The following GLRX3 variants were observed in gnomAD, a reference collection of about 807,000 sequenced individuals.
The protein encoded by GLRX3 is glutaredoxin-3.
GLRX3 carries 22 observed loss-of-function variants against 49.5 expected under a neutral mutation model. The observed-to-expected ratio is 0.44, with a 90% CI of 0.32 to 0.63. The LOEUF (loss-of-function observed/expected upper bound fraction) is 0.63. GLRX3 is among the 30% of genes least tolerant of loss of function. The pLI is 0.05. For synonymous variants in GLRX3, 133 were observed against 140.0 expected (o/e 0.95, Z 0.35); for missense variants, 385 against 396.3 (o/e 0.97, Z 0.24).
chr10:130,169,299 G>A, intron 6 of GLRX3, 134 bp from the exon 7 acceptor site: 1 of 631,836 alleles, frequency 1.6e-6, no homozygotes, highest in Non-Finnish European at 2.9e-6. Context: ...CAACGCATTT[G>A]CTTGTTTAAT....
chr10:130,170,377 C>G (rs569908391), intron 7 of GLRX3, among the ~76,000 whole-genome samples: 1 of 152,160 alleles, frequency 6.6e-6, no homozygotes, highest in Non-Finnish European at 1.5e-5. Context: ...ACAGGGCAGA[C>G]TCTGGTTGCC....
chr10:130,165,980 C>T (rs1862676906), intron 4 of GLRX3, among the ~76,000 whole-genome samples: 1 of 152,140 alleles, frequency 6.6e-6, no homozygotes, highest in African/African-American at 2.4e-5. Context: ...GAGCAGGTGT[C>T]AGATTCAGAT....
At chr10:130,146,200 G>A (rs1029786323) in intron 2 of GLRX3, among the ~76,000 whole-genome samples, 2 of 152,214 alleles carry the variant, frequency 1.3e-5, no homozygotes, top group Non-Finnish European at 2.9e-5. Context: ...TTAGTTCCCT[G>A]TGGGTAACTG....
At chr10:130,165,439 A>G (rs1234097274) in intron 4 of GLRX3, among the ~76,000 whole-genome samples, 2 of 152,248 alleles carry the variant, frequency 1.3e-5, no homozygotes, top group Non-Finnish European at 2.9e-5. Context: ...AATGTGTCAC[A>G]AAAGTATAAT....
intron 1 of GLRX3, among the ~76,000 whole-genome samples, chr10:130,144,393 A>G (rs1357350318): frequency 1.3e-5 from 2 of 151,174 alleles, no homozygotes; most frequent in Non-Finnish European, 2.9e-5. Flanking sequence ...TGCACCTATC[A>G]ACCCATCATC....
intron 8 of GLRX3, among the ~76,000 whole-genome samples, chr10:130,173,144 C>T (rs1212462370): frequency 6.6e-6 from 1 of 152,170 alleles, no homozygotes; most frequent in East Asian, 1.9e-4. Flanking sequence ...CAGTGAGACA[C>T]ACACAGTCCA....
At chr10:130,156,534 G>A (rs1862474104) in intron 2 of GLRX3, among the ~76,000 whole-genome samples, 1 of 137,694 alleles carries the variant, frequency 7.3e-6, no homozygotes, top group Non-Finnish European at 1.5e-5. Context: ...TTGTTGTAAG[G>A]ATTAAGTGAG....
intron 2 of GLRX3, among the ~76,000 whole-genome samples, chr10:130,152,278 C>T (rs192097964): frequency 5.9e-5 from 9 of 152,256 alleles, no homozygotes; most frequent in East Asian, 5.8e-4. Context: ...CTCAACCTCC[C>T]GAAGTGCTGG....
intron 4 of GLRX3, among the ~76,000 whole-genome samples, chr10:130,161,476 G>A (rs1288522477): frequency 6.6e-6 from 1 of 152,170 alleles, no homozygotes; most frequent in Non-Finnish European, 1.5e-5. Flanking sequence ...CAGCCTGTGT[G>A]CTTTTGCCTC....
At chr10:130,169,147 T>C (rs893522908) in intron 6 of GLRX3, among the ~76,000 whole-genome samples, 1 of 152,198 alleles carries the variant, frequency 6.6e-6, no homozygotes, top group Non-Finnish European at 1.5e-5. Flanking sequence ...GAACAATTCC[T>C]TACTGAATTG....
intron 10 of GLRX3, among the ~76,000 whole-genome samples, chr10:130,175,522 A>G (rs1462919657): frequency 6.6e-6 from 1 of 152,238 alleles, no homozygotes; most frequent in East Asian, 1.9e-4. Flanking sequence ...CCCCGAAAGA[A>G]AAAATGTAGG....
intron 2 of GLRX3, among the ~76,000 whole-genome samples, chr10:130,151,845 T>C (rs888758627): frequency 1.3e-5 from 2 of 152,196 alleles, no homozygotes; most frequent in Non-Finnish European, 2.9e-5. Flanking sequence ...ATTTGCTTGG[T>C]AGATCTTCCT....
At chr10:130,169,386 G>A in intron 6 of GLRX3, 47 bp from the exon 7 acceptor site, 2 of 1,157,652 alleles carry the variant, frequency 1.7e-6, no homozygotes, top group African/African-American at 1.5e-5. Context: ...GAAAAGTGGT[G>A]TTGCATAATT....
intron 10 of GLRX3, among the ~76,000 whole-genome samples, chr10:130,177,602 T>C (rs1302242237): frequency 6.6e-6 from 1 of 152,188 alleles, no homozygotes; most frequent in Non-Finnish European, 1.5e-5. Flanking sequence ...TAGTAAGCCA[T>C]TGAGTCCAGA....
chr10:130,137,125 C>T (rs557312755), intron 1 of GLRX3, among the ~76,000 whole-genome samples: 3 of 152,354 alleles, frequency 2.0e-5, no homozygotes, highest in East Asian at 3.9e-4. Flanking sequence ...CAGCAGGTAG[C>T]CTCAGTCTTC....
chr10:130,147,067 A>G (rs1862283841), intron 2 of GLRX3, among the ~76,000 whole-genome samples: 1 of 152,210 alleles, frequency 6.6e-6, no homozygotes, highest in Admixed American at 6.5e-5. Context: ...TTCTTTATGC[A>G]AATAGGGCAG....
intron 1 of GLRX3, among the ~76,000 whole-genome samples, chr10:130,142,141 C>T (rs1862187551): frequency 6.6e-6 from 1 of 152,156 alleles, no homozygotes; most frequent in South Asian, 2.1e-4. Context: ...GTGTCCTTCC[C>T]TGCCTTAGGT....
chr10:130,166,829 G>A (rs1385518373), intron 5 of GLRX3, 90 bp from the exon 6 acceptor site: 2 of 969,548 alleles, frequency 2.1e-6, no homozygotes, highest in Non-Finnish European at 3.2e-6. Flanking sequence ...CTGATTAGTT[G>A]ATTGATCAAT....
At chr10:130,178,852 C>T (rs757260213) in intron 10 of GLRX3, among the ~76,000 whole-genome samples, 6 of 151,436 alleles carry the variant, frequency 4.0e-5, no homozygotes, top group African/African-American at 9.7e-5. Flanking sequence ...TACAGGTGCC[C>T]GCCACCATGC....
Sources: allele counts gnomAD v4.1 joint callset (sites outside exome capture counted in the v4.1 genomes callset), GRCh38; gene constraint gnomAD v4.1.1; transcripts MANE v1.5; gene names NCBI Gene and HGNC (gene_info 2026-07-23, HGNC 2026-07-21).